WDR7: variants seen among roughly 807,000 people sequenced by gnomAD.
WDR7 encodes WD repeat domain 7.
Under a neutral mutation model 169.4 loss-of-function variants are expected in WDR7, and 46 were observed. That is an observed-to-expected ratio of 0.27 (90% CI 0.21 to 0.35). The LOEUF (loss-of-function observed/expected upper bound fraction) is 0.35. Among genes scored for constraint, WDR7 ranks in the 10% least tolerant of loss-of-function variants. The probability of loss-of-function intolerance (pLI) is 1.00; values close to 1 mark genes in which losing one functional copy is unlikely to be tolerated. For missense variants in WDR7, 1,534 were observed against 1,859.3 expected (o/e 0.83, Z 3.22); for synonymous variants, 612 against 666.8 (o/e 0.92, Z 1.27).
chr18:56,831,808 A>G (rs2045313268), intron 20 of WDR7, among the ~76,000 whole-genome samples: 1 of 152,158 alleles, frequency 6.6e-6, no homozygotes, highest in Admixed American at 6.5e-5. Context: ...TCCAACCCAG[A>G]TGCTATGCTT....
At chr18:56,966,304 C>A (rs2047408341) in intron 26 of WDR7, among the ~76,000 whole-genome samples, 1 of 151,996 alleles carries the variant, frequency 6.6e-6, no homozygotes, top group African/African-American at 2.4e-5. Context: ...CTCCTGCCCC[C>A]TCTTACACCT....
intron 20 of WDR7, among the ~76,000 whole-genome samples, chr18:56,820,356 A>AAAC (rs1568213953): frequency 6.8e-6 from 1 of 146,814 alleles, no homozygotes; most frequent in African/African-American, 2.5e-5. Flanking sequence ...AAAAAAAAAA[A>AAAC]AAAAAAAACC....
intron 1 of WDR7, among the ~76,000 whole-genome samples, chr18:56,666,224 C>A (rs12960543): frequency 3.8e-4 from 2 of 5,276 alleles, no homozygotes; most frequent in African/African-American, 4.7e-4. Context: ...TTTTTTTGAG[C>A]CGCAGTTTCA....
intron 26 of WDR7, among the ~76,000 whole-genome samples, chr18:57,018,827 A>G (rs2048245196): frequency 6.6e-6 from 1 of 152,190 alleles, no homozygotes; most frequent in Non-Finnish European, 1.5e-5. Flanking sequence ...ATGTTAAAAA[A>G]CAGTTAAAAA....
chr18:56,785,015 A>G (rs2044375969), intron 19 of WDR7, among the ~76,000 whole-genome samples: 1 of 151,990 alleles, frequency 6.6e-6, no homozygotes, highest in African/African-American at 2.4e-5. Flanking sequence ...TGGAACTTCT[A>G]CATTGACTGA....
intron 21 of WDR7, among the ~76,000 whole-genome samples, chr18:56,904,074 ATT>A (rs11372701): frequency 2.0e-5 from 3 of 148,158 alleles, no homozygotes; most frequent in African/African-American, 7.4e-5. Flanking sequence ...GCTCAAAATA[ATT>A]TTTTTTTTTT....
At chr18:56,679,974 GT>G (rs368937018) in intron 3 of WDR7, among the ~76,000 whole-genome samples, 168 of 152,290 alleles carry the variant, frequency 1.1e-3, no homozygotes, top group African/African-American at 4.0e-3. Flanking sequence ...TTTACAAACA[GT>G]TTTCAAAACA....
chr18:56,978,522 G>A (rs2047598636), intron 26 of WDR7, among the ~76,000 whole-genome samples: 1 of 152,152 alleles, frequency 6.6e-6, no homozygotes, highest in African/African-American at 2.4e-5. Flanking sequence ...AAGTAGGTAT[G>A]TGAAAGGGCT....
intron 11 of WDR7, 56 bp from the exon 12 acceptor site, chr18:56,696,186 C>T: frequency 7.0e-7 from 1 of 1,427,974 alleles, no homozygotes; most frequent in South Asian, 1.3e-5. Context: ...CTTTTACTTA[C>T]TGAAACTTGG....
intron 26 of WDR7, among the ~76,000 whole-genome samples, chr18:57,012,996 C>T (rs1337937960): frequency 3.3e-5 from 5 of 152,312 alleles, no homozygotes; most frequent in Non-Finnish European, 4.4e-5. Context: ...AGTTTGCCTT[C>T]TTAGTATGCT....
chr18:56,941,645 G>T, intron 25 of WDR7, among the ~76,000 whole-genome samples: 1 of 152,122 alleles, frequency 6.6e-6, no homozygotes, highest in Non-Finnish European at 1.5e-5. Context: ...ATTACAGCAG[G>T]TCCTTGAATA....
chr18:56,844,341 T>G (rs1485843634), intron 20 of WDR7, among the ~76,000 whole-genome samples: 2 of 152,204 alleles, frequency 1.3e-5, no homozygotes, highest in Non-Finnish European at 2.9e-5. Context: ...TCATTTCTGA[T>G]GCTTATGTTC....
intron 19 of WDR7, among the ~76,000 whole-genome samples, chr18:56,809,501 C>A (rs1004765573): frequency 6.6e-6 from 1 of 151,950 alleles, no homozygotes; most frequent in African/African-American, 2.4e-5. Flanking sequence ...AAAGAATATA[C>A]CAAAATATCA....
chr18:56,654,958 T>A (rs2144402137), intron 1 of WDR7, among the ~76,000 whole-genome samples: 1 of 152,378 alleles, frequency 6.6e-6, no homozygotes, highest in East Asian at 1.9e-4. Context: ...AGTGCTCATA[T>A]ATACTCTGAA....
chr18:56,909,087 T>G (rs1437307039), intron 21 of WDR7, among the ~76,000 whole-genome samples: 1 of 152,198 alleles, frequency 6.6e-6, no homozygotes, highest in African/African-American at 2.4e-5. Flanking sequence ...AGAATAGGTC[T>G]TACCTCTGTC....
rs879455948 is a variant in WDR7, at chr18:56,949,156, T to TCTCTCTCCCTCTC, written c.4064+9763_4064+9764insCTCTCTCCCTCTC. On this transcript the variant is annotated intron_variant, in intron 25 of 27. Transcript: ENST00000254442. ...TCTCTCTCTCTCTCTCTCTCTCTCTTTCCCTTTGGCTACAAGCAATCTTTG... is the reference window on the plus strand; with the variant it reads ...TCTCTCTCTCTCTCTCTCTCTCTCTTCTCTCTCCCTCTCTCCCTTTGGCTACAAGCAATCTTTG... Among the ~76,000 whole-genome samples, 88 of 143,958 alleles carry TCTCTCTCCCTCTC rather than the reference T, an allele frequency of 6.1e-4. 1 individual carries two copies. The highest frequency in any genetic ancestry group is 2.1e-3 in the African/African-American group (82 of 39,894). 94.4% of individuals were successfully genotyped at this position (143,958 alleles called of 152,430 possible).
chr18:56,746,827 T>C (rs537685777), intron 14 of WDR7, among the ~76,000 whole-genome samples: 1 of 152,326 alleles, frequency 6.6e-6, no homozygotes, highest in South Asian at 2.1e-4. Context: ...TGTGGAATCC[T>C]GTGCAGTATT....
chr18:57,030,341 G>A (rs146796445), downstream of WDR7: 6 of 152,282 alleles, frequency 3.9e-5, no homozygotes, highest in South Asian at 4.1e-4. Context: ...GTCAATCATC[G>A]TGTAACAGTA....
chr18:56,893,846 T>A (rs552028129), intron 21 of WDR7, among the ~76,000 whole-genome samples: 10 of 152,234 alleles, frequency 6.6e-5, no homozygotes, highest in Admixed American at 5.2e-4. Flanking sequence ...AGTTGGTGTT[T>A]GACATCACAT....
Sources: gnomAD v4.1 joint callset for allele counts (sites outside exome capture counted in the v4.1 genomes callset) on GRCh38, gnomAD v4.1.1 for gene constraint, MANE v1.5 for transcripts, NCBI Gene and HGNC (gene_info 2026-07-23, HGNC 2026-07-21) for gene names.